The following DRD2 variants were observed in gnomAD, a reference collection of about 807,000 sequenced individuals.
DRD2 encodes D(2) dopamine receptor.
In DRD2, 8 loss-of-function variants were observed where a neutral mutation model predicts 38.0. That is an observed-to-expected ratio of 0.21 (90% CI 0.12 to 0.38). The LOEUF is 0.38. Ranked by LOEUF, DRD2 falls within the 10% of genes least tolerant of loss-of-function variation. The probability of loss-of-function intolerance (pLI) is 1.00; values close to 1 mark genes in which losing one functional copy is unlikely to be tolerated. For synonymous variants in DRD2, 230 were observed against 238.6 expected, an observed-to-expected ratio of 0.96 and a Z score of 0.33; for missense variants, 403 against 607.7, an observed-to-expected ratio of 0.66 and a Z score of 3.54.
At chr11:113,414,117 A>G (rs1950797614) in intron 6 of DRD2, 1 of 541,138 alleles carries the variant, frequency 1.8e-6, no homozygotes, top group Non-Finnish European at 3.4e-6. Context: ...GAGAAATGTG[A>G]ATAGCCATTA....
At position 113,462,006 on chromosome 11, in the gene DRD2, C is replaced by T. The variant is rs189658321; in HGVS notation, c.-32+13070G>A. Among the ~76,000 whole-genome samples, 166 of 152,158 alleles carry T rather than the reference C, an allele frequency of 1.1e-3. 2 individuals are homozygous for T. Among genetic ancestry groups the T allele is most frequent in the Non-Finnish European group, 2.0e-3 (135 of 67,964 alleles). ...CTTCCTTCCCCTCTCTTCCTCCAAACTCCCTTTACTTTCCCCCCTTACCAA... is the reference window on the plus strand; with the variant it reads ...CTTCCTTCCCCTCTCTTCCTCCAAATTCCCTTTACTTTCCCCCCTTACCAA... On this transcript the variant is annotated intron_variant, in intron 1 of 7. Transcript: ENST00000362072.
chr11:113,434,300 A>G (rs1029126676), intron 1 of DRD2, among the ~76,000 whole-genome samples: 11 of 152,238 alleles, frequency 7.2e-5, no homozygotes, highest in African/African-American at 2.7e-4. Flanking sequence ...AGCCTTGGCA[A>G]TAGCACATGC....
At chr11:113,441,575 T>A (rs1472343916) in intron 1 of DRD2, among the ~76,000 whole-genome samples, 2 of 152,206 alleles carry the variant, frequency 1.3e-5, no homozygotes, top group Non-Finnish European at 2.9e-5. Context: ...CATTCTTGCA[T>A]GGCAACAACA....
At chr11:113,423,572 C>T (rs1474753712) in intron 2 of DRD2, among the ~76,000 whole-genome samples, 2 of 152,202 alleles carry the variant, frequency 1.3e-5, no homozygotes, top group East Asian at 3.9e-4. Flanking sequence ...CCGTGCTCGG[C>T]CTGTTTCCTA....
intron 1 of DRD2, among the ~76,000 whole-genome samples, chr11:113,428,757 G>A (rs1382499316): frequency 6.6e-6 from 1 of 152,118 alleles, no homozygotes; most frequent in Non-Finnish European, 1.5e-5. Context: ...CTGAGTAGCT[G>A]GAAATACAGG....
At chr11:113,417,509 G>A (rs994163619) in intron 3 of DRD2, among the ~76,000 whole-genome samples, 1 of 152,060 alleles carries the variant, frequency 6.6e-6, no homozygotes, top group African/African-American at 2.4e-5. Context: ...CAAGAATGGT[G>A]TGAGGGAGGT....
At chr11:113,416,723 TG>T in intron 4 of DRD2, 139 bp downstream of exon 4, 1 of 1,305,048 alleles carries the variant, frequency 7.7e-7, no homozygotes, top group Non-Finnish European at 1.1e-6. Context: ...ACACGTAGCC[TG>T]GACTCAGTCC....
At chr11:113,443,117 C>T (rs148079437) in intron 1 of DRD2, among the ~76,000 whole-genome samples, 12 of 152,246 alleles carry the variant, frequency 7.9e-5, no homozygotes, top group Middle Eastern at 3.4e-3. Context: ...ATCTCTGTTA[C>T]CAGGCTTATT....
rs201649606 is a variant in DRD2, at chr11:113,414,413, T to G, written c.772A>C (p.Lys258Gln). The G allele has an allele frequency of 2.5e-6, 4 of 1,614,156 alleles. No homozygotes were observed. Among genetic ancestry groups the G allele is most frequent in the Non-Finnish European group, 3.4e-6 (4 of 1,180,032 alleles). ...TTCACTGGGAAACTCCCATTAGACTTCATGATAACGGTGCAGAGTTTCATG... is the reference window on the plus strand; with the variant it reads ...TTCACTGGGAAACTCCCATTAGACTGCATGATAACGGTGCAGAGTTTCATG... Reference protein sequence around the residue: ...EDMKLCTVIMKSNGSFPVNRR... With the variant: ...EDMKLCTVIMQSNGSFPVNRR... Residue 258 changes from lysine to glutamine, a missense_variant, in exon 6 of 8, where the codon AAG (lysine) becomes CAG (glutamine). By Grantham distance (53) the Lys-to-Gln change is moderately conservative (BLOSUM62 1). Coordinates refer to ENST00000362072, the MANE Select transcript of DRD2 (RefSeq NM_000795.4).
At position 113,430,859 on chromosome 11, in the gene DRD2, C is replaced by T. The variant is rs528749882; in HGVS notation, c.-31-6177G>A. Among the ~76,000 whole-genome samples the T allele has an allele frequency of 4.9e-4, 74 of 152,248 alleles. 1 individual carries two copies. Among genetic ancestry groups the T allele is most frequent in the Non-Finnish European group, 3.8e-4 (26 of 68,022 alleles). On this transcript the variant is annotated intron_variant, in intron 1 of 7. Transcript: ENST00000362072. ...CATAACACATGGCACCTTGTATTTG[C>T]CATGATGGTCCCAATTTCTTGTTCT... is the stretch of plus-strand genomic sequence containing the variant.
At chr11:113,416,126 G>C (rs544325965) in intron 4 of DRD2, among the ~76,000 whole-genome samples, 1 of 152,232 alleles carries the variant, frequency 6.6e-6, no homozygotes, top group South Asian at 2.1e-4. Context: ...TCTATCTCAG[G>C]GCCTTGTGCA....
At chr11:113,453,933 G>A (rs965959238) in intron 1 of DRD2, among the ~76,000 whole-genome samples, 1 of 152,170 alleles carries the variant, frequency 6.6e-6, no homozygotes, top group African/African-American at 2.4e-5. Flanking sequence ...TCCTTTTGAT[G>A]GGGGGCTGGG....
chr11:113,454,180 G>A (rs1316331787), intron 1 of DRD2, among the ~76,000 whole-genome samples: 1 of 151,992 alleles, frequency 6.6e-6, no homozygotes. Context: ...ATTATTTTTG[G>A]AGAGCTAGTT....
chr11:113,435,827 T>C (rs1296349175), intron 1 of DRD2, among the ~76,000 whole-genome samples: 2 of 152,208 alleles, frequency 1.3e-5, no homozygotes, highest in East Asian at 3.9e-4. Flanking sequence ...ACCTTTACTT[T>C]AATTTCAGGA....
At chr11:113,467,170 G>C (rs775349075) in intron 1 of DRD2, among the ~76,000 whole-genome samples, 1 of 152,110 alleles carries the variant, frequency 6.6e-6, no homozygotes, top group Non-Finnish European at 1.5e-5. Context: ...TGAAAGGGCT[G>C]AGTCCAAAAA....
intron 1 of DRD2, among the ~76,000 whole-genome samples, chr11:113,462,559 G>T (rs539458400): frequency 1.1e-4 from 17 of 152,324 alleles, no homozygotes; most frequent in Middle Eastern, 3.4e-3. Flanking sequence ...GGAGCTGGAA[G>T]AGACAAGACA....
chr11:113,464,359 A>C (rs542364268), intron 1 of DRD2, among the ~76,000 whole-genome samples: 1 of 151,970 alleles, frequency 6.6e-6, no homozygotes, highest in East Asian at 1.9e-4. Flanking sequence ...CACCTCCCCT[A>C]CCCTCTCATA....
At chr11:113,456,734 A>G (rs896309964) in intron 1 of DRD2, among the ~76,000 whole-genome samples, 2 of 152,216 alleles carry the variant, frequency 1.3e-5, no homozygotes, top group Non-Finnish European at 2.9e-5. Flanking sequence ...TGGTGGCCAG[A>G]GGCTGCAGAG....
At chr11:113,412,481 A>G (rs760563238) in intron 7 of DRD2, 75 bp downstream of exon 7, 50 of 1,565,976 alleles carry the variant, frequency 3.2e-5, no homozygotes, top group Non-Finnish European at 4.3e-5. Context: ...TCCTGCAGCC[A>G]TGGTTAGGAA....
Sources: allele counts gnomAD v4.1 joint callset (sites outside exome capture counted in the v4.1 genomes callset), GRCh38; gene constraint gnomAD v4.1.1; transcripts MANE v1.5; gene names NCBI Gene and HGNC (gene_info 2026-07-23, HGNC 2026-07-21).